The following NREP variants were observed in gnomAD, a reference collection of about 807,000 sequenced individuals.
The protein encoded by NREP is neuronal regeneration related protein.
NREP carries 5 observed loss-of-function variants against 8.6 expected under a neutral mutation model. The observed-to-expected ratio is 0.58, with a 90% CI of 0.30 to 1.22. NREP has a LOEUF of 1.22. NREP is among the 50% of genes most tolerant of loss of function. NREP has a pLI of 0.07. For missense variants in NREP, 86 were observed against 82.5 expected (o/e 1.04, Z -0.17); for synonymous variants, 27 against 28.0 (o/e 0.96, Z 0.11).
At chr5:111,921,148 T>G (rs1241843990) in intron 2 of NREP, among the ~76,000 whole-genome samples, 1 of 152,116 alleles carries the variant, frequency 6.6e-6, no homozygotes, top group Non-Finnish European at 1.5e-5. Flanking sequence ...ACCTCTCCTC[T>G]CTCCTCTCTC....
intron 2 of NREP, among the ~76,000 whole-genome samples, chr5:111,947,916 C>A: frequency 6.6e-6 from 1 of 151,998 alleles, no homozygotes; most frequent in Admixed American, 6.6e-5. Flanking sequence ...TTCTCTGCCC[C>A]ATTTACTACC....
At chr5:111,749,132 G>C (rs1408477402) in intron 2 of NREP, among the ~76,000 whole-genome samples, 1 of 152,082 alleles carries the variant, frequency 6.6e-6, no homozygotes, top group Admixed American at 6.6e-5. Flanking sequence ...ATCCACTATG[G>C]CTAGAAATAA....
At chr5:111,809,308 C>T (rs1752214126) in intron 2 of NREP, among the ~76,000 whole-genome samples, 1 of 152,192 alleles carries the variant, frequency 6.6e-6, no homozygotes, top group Non-Finnish European at 1.5e-5. Flanking sequence ...ATGCCTGCTC[C>T]ATCCATAGTT....
At chr5:111,735,858 A>G (rs1749063034) in intron 2 of NREP, among the ~76,000 whole-genome samples, 1 of 152,214 alleles carries the variant, frequency 6.6e-6, no homozygotes, top group African/African-American at 2.4e-5. Flanking sequence ...TATCCTTGCA[A>G]AACTCCATCA....
intron 2 of NREP, among the ~76,000 whole-genome samples, chr5:111,753,875 C>G (rs1238195134): frequency 6.6e-6 from 1 of 151,386 alleles, no homozygotes; most frequent in Non-Finnish European, 1.5e-5. Context: ...AAAGACACCT[C>G]TAATATCACT....
intron 2 of NREP, among the ~76,000 whole-genome samples, chr5:111,770,405 A>G (rs1189086767): frequency 6.6e-6 from 1 of 152,152 alleles, no homozygotes; most frequent in Non-Finnish European, 1.5e-5. Context: ...TTAACTTTAG[A>G]ATTCATTTGA....
At chr5:111,920,265 A>T (rs753493791) in intron 2 of NREP, among the ~76,000 whole-genome samples, 103 of 152,216 alleles carry the variant, frequency 6.8e-4, no homozygotes, top group Non-Finnish European at 1.1e-3. Context: ...GCTGTCAATT[A>T]TCATTTTTAT....
At chr5:111,919,957 A>G (rs1221601034) in intron 2 of NREP, among the ~76,000 whole-genome samples, 1 of 111,802 alleles carries the variant, frequency 8.9e-6, no homozygotes, top group Non-Finnish European at 1.9e-5. Flanking sequence ...GAACTGAATT[A>G]ATTAATAAAA....
intron 2 of NREP, among the ~76,000 whole-genome samples, chr5:111,802,260 C>A (rs1028200330): frequency 6.6e-6 from 1 of 151,944 alleles, no homozygotes; most frequent in African/African-American, 2.4e-5. Context: ...TAAGGCTAAG[C>A]ACATAATGAA....
intron 2 of NREP, among the ~76,000 whole-genome samples, chr5:111,871,551 T>C (rs1192040292): frequency 6.6e-6 from 1 of 152,188 alleles, no homozygotes; most frequent in African/African-American, 2.4e-5. Context: ...TAGCTTATTA[T>C]AACTTACTTT....
At chr5:111,789,395 C>T (rs1012623172) in intron 2 of NREP, among the ~76,000 whole-genome samples, 1 of 152,098 alleles carries the variant, frequency 6.6e-6, no homozygotes, top group Admixed American at 6.5e-5. Flanking sequence ...GTGTATTATT[C>T]CACCTAAATA....
chr5:111,856,331 T>C (rs917539402), intron 2 of NREP, among the ~76,000 whole-genome samples: 3 of 152,208 alleles, frequency 2.0e-5, no homozygotes, highest in African/African-American at 7.2e-5. Context: ...AAGGACCCAA[T>C]GTGTGTTTCA....
intron 2 of NREP, among the ~76,000 whole-genome samples, chr5:111,785,148 GTTTCATT>G (rs886451491): frequency 2.0e-5 from 3 of 152,148 alleles, no homozygotes; most frequent in Non-Finnish European, 4.4e-5. Flanking sequence ...TAGCAACCCT[GTTTCATT>G]TCTTCCTTTA....
chr5:111,916,620 C>A (rs1755067360), intron 2 of NREP, among the ~76,000 whole-genome samples: 1 of 152,120 alleles, frequency 6.6e-6, no homozygotes, highest in South Asian at 2.1e-4. Context: ...GGCTTCAAAT[C>A]TTGGCTTTCC....
chr5:111,809,870 CGTGTGTGTGTGTGTGTGTGT>C lies in NREP; in HGVS notation c.136-74383_136-74364del, dbSNP rs3223253. Reference sequence around the variant, plus strand: ...ACCACCTCATTGACTGGGACTTTGGCGTGTGTGTGTGTGTGTGTGTGTGTGTGTGTGTGTGTGTGTGTATT... The same window carrying C: ...ACCACCTCATTGACTGGGACTTTGGCGTGTGTGTGTGTGTGTGTGTGTATT... On this transcript the variant is annotated intron_variant, in intron 2 of 3. Transcript: ENST00000395634. Among the ~76,000 whole-genome samples the C allele has an allele frequency of 6.0e-3, 866 of 144,202 alleles. 6 individuals carry two copies. Among genetic ancestry groups the C allele is most frequent in the Middle Eastern group, 0.031 (9 of 288 alleles). 94.6% of individuals were successfully genotyped at this position (144,202 alleles called of 152,430 possible).
rs1401752175 is a variant in NREP, at chr5:111,729,650, AAG to A, written c.*1269_*1270del. 1.3e-5 allele frequency: 2 copies of A among 152,638 alleles called. No individual in the cohort carries two copies. Among genetic ancestry groups the A allele is most frequent in the Non-Finnish European group, 2.9e-5 (2 of 68,044 alleles). The allele number at this position is 152,638 out of a possible 1,614,324, so 9.5% of individuals were successfully genotyped here. ...AGAACAAGGCCTGCCCTGTCAAAAGAAGAGCTAAAGACAGTTATATAAAAATT... is the reference window on the plus strand; with the variant it reads ...AGAACAAGGCCTGCCCTGTCAAAAGAAGCTAAAGACAGTTATATAAAAATT... On this transcript the variant is annotated 3_prime_UTR_variant, in exon 4 of 4. Transcript: ENST00000257435.
At chr5:111,750,736 G>A (rs958903885) in intron 2 of NREP, among the ~76,000 whole-genome samples, 6 of 152,180 alleles carry the variant, frequency 3.9e-5, no homozygotes, top group African/African-American at 1.4e-4. Context: ...TCCAATACTG[G>A]GAGTAAAGCT....
intron 2 of NREP, among the ~76,000 whole-genome samples, chr5:111,853,721 G>C (rs17494279): frequency 0.064 from 9,750 of 151,466 alleles, 351 homozygotes; most frequent in African/African-American, 0.073. Flanking sequence ...ACCTAGGCTT[G>C]GGCTGGATCT....
intron 2 of NREP, among the ~76,000 whole-genome samples, chr5:111,832,740 G>A (rs996074355): frequency 1.3e-5 from 2 of 152,160 alleles, no homozygotes; most frequent in Admixed American, 6.5e-5. Context: ...CAGCTGCTAC[G>A]CTTTCCAGGC....
Sources: allele counts gnomAD v4.1 joint callset (sites outside exome capture counted in the v4.1 genomes callset), GRCh38; gene constraint gnomAD v4.1.1; transcripts MANE v1.5; gene names NCBI Gene and HGNC (gene_info 2026-07-23, HGNC 2026-07-21).